The following PYGB variants were observed in gnomAD, a reference collection of about 807,000 sequenced individuals.
PYGB encodes the protein glycogen phosphorylase B.
Under a neutral mutation model 94.3 loss-of-function variants are expected in PYGB, and 82 were observed. The ratio of observed to expected loss-of-function variants is 0.87; its 90% CI spans 0.73 to 1.04. PYGB has a LOEUF of 1.04. PYGB is among the 50% of genes least tolerant of loss of function. PYGB has a pLI of 0.00. For missense variants in PYGB, 1,132 were observed against 1,158.2 expected (o/e 0.98, Z 0.33); for synonymous variants, 488 against 479.1 (o/e 1.02, Z -0.24).
At chr20:25,294,735 C>T in intron 18 of PYGB, 1 of 625,142 alleles carries the variant, frequency 1.6e-6, no homozygotes, top group East Asian at 2.8e-5. Context: ...ATTTCACTTG[C>T]AACGATGTGA....
intron 5 of PYGB, among the ~76,000 whole-genome samples, chr20:25,276,067 A>C (rs1490943784): frequency 6.6e-6 from 1 of 152,090 alleles, no homozygotes; most frequent in Non-Finnish European, 1.5e-5. Flanking sequence ...CTCTGGATGC[A>C]GGGGAACCTG....
At chr20:25,295,320 G>A (rs896796596) in intron 18 of PYGB, among the ~76,000 whole-genome samples, 9 of 152,266 alleles carry the variant, frequency 5.9e-5, no homozygotes, top group South Asian at 2.1e-4. Flanking sequence ...ACTGCCCTGC[G>A]TGTGGAAGAC....
intron 12 of PYGB, among the ~76,000 whole-genome samples, chr20:25,282,552 C>T (rs1371082959): frequency 3.3e-5 from 5 of 152,246 alleles, no homozygotes; most frequent in African/African-American, 7.2e-5. Flanking sequence ...AAGGACCAGC[C>T]GCTGGGAGGG....
chr20:25,253,915 T>TA (rs2092895566), intron 1 of PYGB, among the ~76,000 whole-genome samples: 1 of 151,918 alleles, frequency 6.6e-6, no homozygotes, highest in African/African-American at 2.4e-5. Flanking sequence ...TTACTAAAAA[T>TA]ACAAAAATTA....
At chr20:25,288,226 G>T (rs776817424) in intron 14 of PYGB, 199 bp from the exon 15 acceptor site, 5 of 712,306 alleles carry the variant, frequency 7.0e-6, no homozygotes, top group Non-Finnish European at 1.0e-5. Flanking sequence ...TCACTCCCTT[G>T]TAAGTGGCAG....
chr20:25,281,538 C>G (rs2088367183), intron 11 of PYGB, among the ~76,000 whole-genome samples: 1 of 152,262 alleles, frequency 6.6e-6, no homozygotes, highest in Admixed American at 6.5e-5. Flanking sequence ...CCCACTCTTT[C>G]ACGTAGCATG....
chr20:25,280,282 A>G lies in PYGB; in HGVS notation c.1109A>G (p.Lys370Arg), dbSNP rs140780837. Residue 370 changes from lysine to arginine, a missense_variant, in exon 10 of 20, where the codon AAG (lysine) becomes AGG (arginine). Coordinates refer to ENST00000216962, the MANE Select transcript of PYGB (RefSeq NM_002862.4). Reference protein sequence around the residue: ...VDWDKAWEITKKTCAYTNHTV... With the variant: ...VDWDKAWEITRKTCAYTNHTV... ...ATGGCCTAGGCCTGGGAAATCACGA[A>G]GAAGACCTGTGCATACACCAACCAC... 9.9e-6 allele frequency: 16 copies of G among 1,613,976 alleles called. No individual in the cohort carries two copies. In the African/African-American group the frequency reaches 2.0e-4, roughly 20 times the overall value.
At chr20:25,280,667 C>G (rs1054589650) in intron 10 of PYGB, among the ~76,000 whole-genome samples, 1 of 152,232 alleles carries the variant, frequency 6.6e-6, no homozygotes, top group African/African-American at 2.4e-5. Context: ...AGACAGCAGC[C>G]CTGTGGGTCC....
At chr20:25,272,418 C>T (rs370092784) in intron 4 of PYGB, among the ~76,000 whole-genome samples, 1 of 152,162 alleles carries the variant, frequency 6.6e-6, no homozygotes, top group African/African-American at 2.4e-5. Flanking sequence ...GAAATTAACC[C>T]AAAACATAAA....
chr20:25,277,971 C>G (rs557127358), intron 7 of PYGB, among the ~76,000 whole-genome samples: 2 of 152,194 alleles, frequency 1.3e-5, no homozygotes, highest in African/African-American at 2.4e-5. Context: ...GCCTGGGTGC[C>G]GGAAGGCTCA....
rs1389284817 is a variant in PYGB at position 25,280,936 on chromosome 20, G to A, written c.1240-13G>A. The A allele has an allele frequency of 6.2e-7, 1 of 1,613,142 alleles. No homozygotes were observed. The highest frequency in any genetic ancestry group is 1.1e-5 in the South Asian group (1 of 90,984). Reference sequence around the variant, plus strand: ...CCTGTGCCCACCCACCTGCCTCTGTGTTTTGGCACCAGCACGTGGCCGCGC... The same window carrying A: ...CCTGTGCCCACCCACCTGCCTCTGTATTTTGGCACCAGCACGTGGCCGCGC... On this transcript the variant is annotated splice_polypyrimidine_tract_variant and intron_variant, in intron 10 of 19. Coordinates refer to ENST00000216962, the MANE Select transcript of PYGB (RefSeq NM_002862.4).
chr20:25,261,241 G>A (rs915688382), intron 2 of PYGB, among the ~76,000 whole-genome samples: 18 of 152,326 alleles, frequency 1.2e-4, no homozygotes, highest in Admixed American at 5.2e-4. Context: ...AGTAGGGGCC[G>A]ACTGACACCT....
chr20:25,290,604 G>A lies in PYGB; in HGVS notation c.1951G>A (p.Val651Met). 6.2e-7 allele frequency: 1 copy of A among 1,604,292 alleles called. No individual in the cohort carries two copies. The highest frequency in any genetic ancestry group is 8.5e-7 in the Non-Finnish European group (1 of 1,171,668). Residue 651 changes from valine (V) to methionine (M), a missense_variant, in exon 16 of 20, where the codon GTG (valine) becomes ATG (methionine). Physicochemically the swap from Val to Met is conservative, Grantham distance 21. Transcript: ENST00000216962. ...LKVIFLENYR[V>M]SLAEKVIPAA... is the part of the protein sequence containing the mutation. ...AGTGATCTTCCTGGAGAACTACCGTGTGTCCTTGGCTGAGAAAGGTAACCC... is the reference window on the plus strand; with the variant it reads ...AGTGATCTTCCTGGAGAACTACCGTATGTCCTTGGCTGAGAAAGGTAACCC...
chr20:25,263,428 C>T (rs1258747635), intron 2 of PYGB, among the ~76,000 whole-genome samples: 1 of 151,916 alleles, frequency 6.6e-6, no homozygotes, highest in Admixed American at 6.6e-5. Context: ...GAAATAGTAA[C>T]TAAGAGCAGA....
chr20:25,293,356 G>A (rs1054053589), intron 17 of PYGB, among the ~76,000 whole-genome samples: 1 of 152,216 alleles, frequency 6.6e-6, no homozygotes, highest in South Asian at 2.1e-4. Flanking sequence ...ACTCCACTGT[G>A]TGTGGCCGTC....
intron 18 of PYGB, chr20:25,295,048 C>G (rs758462279): frequency 3.1e-6 from 5 of 1,613,944 alleles, no homozygotes; most frequent in Non-Finnish European, 4.2e-6. Context: ...AAAGGAAGTG[C>G]TTTTAAAATT....
At position 25,284,207 on chromosome 20, in the gene PYGB, A is replaced by G. The variant is rs772109341; in HGVS notation, c.1724A>G (p.Lys575Arg). ...CATGTGAAGAGGATCCACGAGTACA[A>G]GCGGCAGCTGCTCAACTGCCTGCAC... ...DVHVKRIHEY[K>R]RQLLNCLHVV... The change falls in exon 14 of 20, where the codon AAG (lysine) becomes AGG (arginine). Residue 575 changes from lysine (K) to arginine (R), a missense_variant. Transcript: ENST00000216962. 3 of 1,613,958 alleles carry G rather than the reference A, an allele frequency of 1.9e-6. No individual in the cohort carries two copies. The highest frequency in any genetic ancestry group is 2.5e-6 in the Non-Finnish European group (3 of 1,180,006).
chr20:25,280,932 CTG>C lies in PYGB; in HGVS notation c.1240-13_1240-12del, dbSNP rs758186108. ...GCCTCCTGTGCCCACCCACCTGCCT[CTG>C]TGTTTTGGCACCAGCACGTGGCCGC... On this transcript the variant is annotated splice_polypyrimidine_tract_variant and intron_variant, in intron 10 of 19. Coordinates refer to ENST00000216962, the MANE Select transcript of PYGB (RefSeq NM_002862.4). 3.1e-6 allele frequency: 5 copies of C among 1,612,702 alleles called. No homozygotes were observed. The highest frequency in any genetic ancestry group is 2.7e-5 in the African/African-American group (2 of 74,898).
At chr20:25,295,368 T>G (rs2088525124) in intron 18 of PYGB, among the ~76,000 whole-genome samples, 1 of 152,252 alleles carries the variant, frequency 6.6e-6, no homozygotes, top group Admixed American at 6.5e-5. Flanking sequence ...GAGTGTTGGG[T>G]TGAAATAAGG....
Sources: gnomAD v4.1 joint callset for allele counts (sites outside exome capture counted in the v4.1 genomes callset) on GRCh38, gnomAD v4.1.1 for gene constraint, MANE v1.5 for transcripts, NCBI Gene and HGNC (gene_info 2026-07-23, HGNC 2026-07-21) for gene names.